FGF12: variants seen among roughly 807,000 people sequenced by gnomAD.
FGF12 encodes fibroblast growth factor 12.
In FGF12, 14 loss-of-function variants were observed where a neutral mutation model predicts 23.6. The observed-to-expected ratio is 0.59, with a 90% CI of 0.39 to 0.93. The LOEUF is 0.93. Among genes scored for constraint, FGF12 ranks in the 40% least tolerant of loss-of-function variants. FGF12 has a pLI of 0.00. For missense variants in FGF12, 175 were observed against 217.8 expected, an observed-to-expected ratio of 0.80 and a Z score of 1.24; for synonymous variants, 62 against 77.3, an observed-to-expected ratio of 0.80 and a Z score of 1.04.
intron 2 of FGF12, among the ~76,000 whole-genome samples, chr3:192,548,236 G>C (rs1725543695): frequency 6.6e-6 from 1 of 152,088 alleles, no homozygotes; most frequent in African/African-American, 2.4e-5. Flanking sequence ...AGTTGAATTG[G>C]TGACAATAGA....
At chr3:192,262,036 C>T (rs1173713729) in intron 4 of FGF12, among the ~76,000 whole-genome samples, 1 of 152,054 alleles carries the variant, frequency 6.6e-6, no homozygotes, top group African/African-American at 2.4e-5. Context: ...AGCTTGAACC[C>T]CTAGGTGTGC....
At chr3:192,513,753 T>G (rs966187842) in intron 2 of FGF12, among the ~76,000 whole-genome samples, 1 of 152,220 alleles carries the variant, frequency 6.6e-6, no homozygotes, top group Non-Finnish European at 1.5e-5. Flanking sequence ...TGTCTAGATG[T>G]ATTAGGGTGT....
chr3:192,230,454 G>C (rs553070671), intron 4 of FGF12, among the ~76,000 whole-genome samples: 1 of 152,198 alleles, frequency 6.6e-6, no homozygotes, highest in African/African-American at 2.4e-5. Flanking sequence ...CAAATACTTA[G>C]TTCAGTGCCT....
At chr3:192,392,414 A>AAAAAAAATAAAT (rs1553807203) in intron 2 of FGF12, among the ~76,000 whole-genome samples, 17 of 143,644 alleles carry the variant, frequency 1.2e-4, no homozygotes, top group Non-Finnish European at 2.4e-4. Flanking sequence ...CTAAAAATAA[A>AAAAAAAATAAAT]AAATAAATAA....
At chr3:192,501,593 G>A (rs993688684) in intron 2 of FGF12, among the ~76,000 whole-genome samples, 3 of 152,174 alleles carry the variant, frequency 2.0e-5, no homozygotes, top group East Asian at 3.9e-4. Context: ...AGCTGAGAGT[G>A]GTGAAAACAA....
At chr3:192,364,270 G>T (rs1718872712) in intron 2 of FGF12, among the ~76,000 whole-genome samples, 1 of 152,182 alleles carries the variant, frequency 6.6e-6, no homozygotes, top group African/African-American at 2.4e-5. Context: ...AGGGTCAATG[G>T]AATAGGTTTT....
At chr3:192,585,867 G>A (rs1292708149) in intron 2 of FGF12, among the ~76,000 whole-genome samples, 4 of 152,060 alleles carry the variant, frequency 2.6e-5, no homozygotes, top group Admixed American at 6.6e-5. Flanking sequence ...ATACTTAGTC[G>A]AATGTGTTTA....
At chr3:192,619,656 ACT>A (rs1714897828) in intron 2 of FGF12, among the ~76,000 whole-genome samples, 1 of 151,836 alleles carries the variant, frequency 6.6e-6, no homozygotes, top group African/African-American at 2.4e-5. Context: ...CAATTCTGAC[ACT>A]CTCTATGGGA....
chr3:192,323,519 C>T (rs77460752), intron 4 of FGF12, among the ~76,000 whole-genome samples: 2,114 of 152,058 alleles, frequency 0.014, 40 homozygotes, highest in East Asian at 0.049. Flanking sequence ...AGCAATTGCA[C>T]ACATGGAGTT....
chr3:192,244,775 C>A (rs1046104415), intron 4 of FGF12: 1 of 152,176 alleles, frequency 6.6e-6, no homozygotes, highest in Non-Finnish European at 1.5e-5. Context: ...TACTATCCCA[C>A]ATGAGTCATA....
chr3:192,475,150 C>T (rs1723281363), intron 2 of FGF12, among the ~76,000 whole-genome samples: 1 of 152,158 alleles, frequency 6.6e-6, no homozygotes, highest in South Asian at 2.1e-4. Context: ...TAGCTTTCAA[C>T]CATTAGTTTA....
chr3:192,595,663 G>A (rs934068963), intron 2 of FGF12, among the ~76,000 whole-genome samples: 1 of 152,196 alleles, frequency 6.6e-6, no homozygotes, highest in Non-Finnish European at 1.5e-5. Context: ...TGTTGCTAGT[G>A]CAGGGACCAC....
chr3:192,177,298 C>A (rs1050736474), intron 4 of FGF12, among the ~76,000 whole-genome samples: 2 of 152,158 alleles, frequency 1.3e-5, no homozygotes, highest in East Asian at 1.9e-4. Flanking sequence ...TCTTTGATAA[C>A]TACAAAGGCC....
intron 4 of FGF12, among the ~76,000 whole-genome samples, chr3:192,325,464 T>C (rs771143562): frequency 2.4e-4 from 37 of 152,182 alleles, no homozygotes; most frequent in Admixed American, 1.8e-3. Context: ...TATGATTCAT[T>C]TGACATTAAT....
chr3:192,267,815 T>C (rs534479962), intron 4 of FGF12, among the ~76,000 whole-genome samples: 423 of 152,326 alleles, frequency 2.8e-3, no homozygotes, highest in African/African-American at 0.01. Flanking sequence ...TAAAATATGA[T>C]TTCTGTGCTA....
chr3:192,678,943 G>C (rs1023381050), intron 2 of FGF12, among the ~76,000 whole-genome samples: 1 of 152,130 alleles, frequency 6.6e-6, no homozygotes, highest in African/African-American at 2.4e-5. Flanking sequence ...GCCTACTCCA[G>C]AGTTTCTGAC....
intron 4 of FGF12, among the ~76,000 whole-genome samples, chr3:192,288,015 G>GCACTAAT (rs1714550341): frequency 6.6e-6 from 1 of 151,898 alleles, no homozygotes; most frequent in Non-Finnish European, 1.5e-5. Flanking sequence ...GTTTAATAAG[G>GCACTAAT]CACTAATCAC....
In FGF12 at chr3:192,292,232, G is replaced by T. The variant is rs570912529; in HGVS notation, c.228+43129C>A. ...CAAGTAGCTATTGACAAATCACGTG[G>T]TTTCTTTTCAAATGCTTTGTGTTTG... On this transcript the variant is annotated intron_variant, in intron 4 of 5. Transcript: ENST00000445105. Among the ~76,000 whole-genome samples the T allele has an allele frequency of 3.9e-5, 6 of 152,118 alleles. No homozygotes were observed. The East Asian group carries it at 1.2e-3, about 29-fold the overall frequency.
Position 192,172,922 on chromosome 3 carries a change from A to G in FGF12, c.229-2266T>C, listed in dbSNP as rs1442233925. On this transcript the variant is annotated intron_variant, in intron 4 of 5. Coordinates refer to ENST00000445105, the MANE Select transcript of FGF12 (RefSeq NM_004113.6). ...GATGAATGGATAAATACAGTGTGAT[A>G]GTTCTACAGAATGCAACTGTAATAC... Among the ~76,000 whole-genome samples, 2 of 151,170 alleles carry G rather than the reference A, an allele frequency of 1.3e-5. 1 individual carries two copies. Among genetic ancestry groups the G allele is most frequent in the African/African-American group, 4.8e-5 (2 of 41,344 alleles).
Sources: gnomAD v4.1 joint callset for allele counts (sites outside exome capture counted in the v4.1 genomes callset) on GRCh38, gnomAD v4.1.1 for gene constraint, MANE v1.5 for transcripts, NCBI Gene and HGNC (gene_info 2026-07-23, HGNC 2026-07-21) for gene names.